The following NCAM2 variants were observed in gnomAD, a reference collection of about 807,000 sequenced individuals.
NCAM2 encodes the protein neural cell adhesion molecule 2.
A neutral mutation model predicts 98.1 loss-of-function variants in NCAM2; 30 were observed. The ratio of observed to expected loss-of-function variants is 0.31; its 90% CI spans 0.23 to 0.41. The LOEUF (loss-of-function observed/expected upper bound fraction) is 0.41, where lower values mean the gene tolerates loss of function less well. Among genes scored for constraint, NCAM2 ranks in the 10% least tolerant of loss-of-function variants. NCAM2 has a pLI of 1.00. For synonymous variants in NCAM2, 368 were observed against 342.4 expected, an observed-to-expected ratio of 1.07 and a Z score of -0.83; for missense variants, 867 against 1,005.8, an observed-to-expected ratio of 0.86 and a Z score of 1.87.
In NCAM2 at chr21:21,338,475, A is replaced by C; in HGVS notation, c.985A>C (p.Ile329Leu). 1 of 1,612,916 alleles carries C rather than the reference A, an allele frequency of 6.2e-7. No homozygotes were observed. Among genetic ancestry groups the C allele is most frequent in the African/African-American group, 1.3e-5 (1 of 74,992 alleles). The part of the protein sequence containing the change: ...TLVCDAEGEP[I>L]PEITWKRAVD... The stretch of plus-strand genomic sequence containing the variant: ...CGTATGTGATGCGGAAGGGGAGCCT[A>C]TTCCAGAAATCACTTGGAAAAGAGC... The change falls in exon 8 of 18, where the codon ATT becomes CTT. Residue 329 changes from isoleucine (I) to leucine (L), a missense_variant. This residue lies in a region of NCAM2 where 447 missense variants were observed against 495.7 expected (regional missense o/e 0.90). Coordinates refer to ENST00000400546, the MANE Select transcript of NCAM2 (RefSeq NM_004540.5).
chr21:21,533,249 CA>C (rs1408510160), intron 16 of NCAM2, among the ~76,000 whole-genome samples: 1 of 134,780 alleles, frequency 7.4e-6, no homozygotes, highest in Non-Finnish European at 1.5e-5. Flanking sequence ...TGATAAGAAA[CA>C]TAACAGTTTC....
intron 12 of NCAM2, among the ~76,000 whole-genome samples, chr21:21,456,137 G>A (rs547744711): frequency 6.6e-6 from 1 of 152,224 alleles, no homozygotes; most frequent in Non-Finnish European, 1.5e-5. Flanking sequence ...AAATGATATA[G>A]CAAGAACAGT....
chr21:21,346,372 A>T (rs1178704445), intron 8 of NCAM2, among the ~76,000 whole-genome samples: 1 of 152,226 alleles, frequency 6.6e-6, no homozygotes, highest in Admixed American at 6.5e-5. Flanking sequence ...ACATGGGAGA[A>T]CCCAGATACA....
chr21:21,052,670 T>C (rs562008226), intron 1 of NCAM2, among the ~76,000 whole-genome samples: 3 of 152,258 alleles, frequency 2.0e-5, no homozygotes, highest in African/African-American at 7.2e-5. Flanking sequence ...CCTGGGCAAA[T>C]AGACCTCTGG....
chr21:21,450,134 A>T, intron 12 of NCAM2, among the ~76,000 whole-genome samples: 1 of 152,088 alleles, frequency 6.6e-6, no homozygotes, highest in Non-Finnish European at 1.5e-5. Flanking sequence ...GTACACAAAG[A>T]TAAATCAGAA....
chr21:21,424,802 C>T (rs1011312098), intron 11 of NCAM2, among the ~76,000 whole-genome samples: 3 of 151,764 alleles, frequency 2.0e-5, no homozygotes, highest in African/African-American at 7.3e-5. Context: ...GAAGCCGAGG[C>T]GGGTGGATCA....
chr21:21,247,373 G>T (rs2826751), intron 1 of NCAM2, among the ~76,000 whole-genome samples: 2 of 152,022 alleles, frequency 1.3e-5, no homozygotes, highest in South Asian at 4.2e-4. Flanking sequence ...TTGCTTCTAG[G>T]GCTGTTTCAA....
At chr21:21,244,829 G>A (rs998498167) in intron 1 of NCAM2, among the ~76,000 whole-genome samples, 3 of 120,384 alleles carry the variant, frequency 2.5e-5, no homozygotes, top group Admixed American at 2.0e-4. Flanking sequence ...CCTGGGGACA[G>A]AGTGAGACTC....
chr21:21,519,609 C>A (rs899933604), intron 16 of NCAM2, among the ~76,000 whole-genome samples: 1 of 152,010 alleles, frequency 6.6e-6, no homozygotes, highest in African/African-American at 2.4e-5. Flanking sequence ...TTAAAACCTG[C>A]TGAGTTTAAT....
intron 1 of NCAM2, among the ~76,000 whole-genome samples, chr21:21,046,418 G>A (rs991391256): frequency 1.3e-5 from 2 of 152,122 alleles, no homozygotes; most frequent in African/African-American, 2.4e-5. Context: ...ACTAAATTTT[G>A]TTCAAGATTC....
chr21:21,081,589 T>G (rs1162620347), intron 1 of NCAM2, among the ~76,000 whole-genome samples: 1 of 151,594 alleles, frequency 6.6e-6, no homozygotes, highest in Non-Finnish European at 1.5e-5. Context: ...TCACATTAGG[T>G]CCGGAATTCG....
intron 8 of NCAM2, among the ~76,000 whole-genome samples, chr21:21,358,118 G>T (rs1689515757): frequency 6.6e-6 from 1 of 152,092 alleles, no homozygotes; most frequent in African/African-American, 2.4e-5. Context: ...GATCATCAAT[G>T]TCTAAGAGAA....
chr21:21,374,326 C>A (rs148884272), intron 9 of NCAM2, among the ~76,000 whole-genome samples: 3 of 151,816 alleles, frequency 2.0e-5, no homozygotes, highest in Non-Finnish European at 4.4e-5. Context: ...GTCGATATCA[C>A]TTTAGATTTT....
intron 1 of NCAM2, among the ~76,000 whole-genome samples, chr21:21,243,016 G>A (rs1360054506): frequency 8.6e-6 from 1 of 116,282 alleles, no homozygotes; most frequent in Non-Finnish European, 1.8e-5. Context: ...AAAACCAGAT[G>A]AACTTTCAGC....
intron 1 of NCAM2, among the ~76,000 whole-genome samples, chr21:21,263,462 A>G (rs1051318391): frequency 2.0e-4 from 30 of 152,076 alleles, no homozygotes; most frequent in Non-Finnish European, 1.2e-4. Flanking sequence ...AAATTCAATG[A>G]AATTCATATA....
rs541639512 is a variant in NCAM2 at position 21,061,868 on chromosome 21, C to G, written c.55+63250C>G. 2.6e-5 allele frequency among the ~76,000 whole-genome samples: 4 copies of G among 152,168 alleles called. No individual in the cohort carries two copies. In the East Asian group the frequency reaches 7.7e-4, roughly 29 times the overall value. ...CACTTACAGTGTTGTGATTTTCAAT[C>G]ACCATAACATCACAGGAATATTACC... On this transcript the variant is annotated intron_variant, in intron 1 of 17. Coordinates refer to ENST00000400546, the MANE Select transcript of NCAM2 (RefSeq NM_004540.5).
intron 1 of NCAM2, among the ~76,000 whole-genome samples, chr21:21,101,532 A>G (rs1472999923): frequency 6.6e-6 from 1 of 152,086 alleles, no homozygotes; most frequent in Non-Finnish European, 1.5e-5. Flanking sequence ...CCTTCACTAC[A>G]TACTAGCTGT....
intron 16 of NCAM2, among the ~76,000 whole-genome samples, chr21:21,527,259 G>A (rs1028142147): frequency 1.3e-5 from 2 of 151,908 alleles, no homozygotes; most frequent in African/African-American, 2.4e-5. Flanking sequence ...TTACAGGCGC[G>A]TGCCATCACG....
chr21:21,214,781 A>T (rs2069822337), intron 1 of NCAM2, among the ~76,000 whole-genome samples: 1 of 140,558 alleles, frequency 7.1e-6, no homozygotes, highest in Admixed American at 7.4e-5. Flanking sequence ...ATATATATAT[A>T]CACATATATA....
Sources: gnomAD v4.1 joint callset for allele counts (sites outside exome capture counted in the v4.1 genomes callset) on GRCh38, gnomAD v4.1.1 for gene constraint, gnomAD v4.1.1 regional missense constraint, MANE v1.5 for transcripts, NCBI Gene and HGNC (gene_info 2026-07-23, HGNC 2026-07-21) for gene names.